SCHIP1: variants seen among roughly 807,000 people sequenced by gnomAD.
SCHIP1 encodes the protein schwannomin-interacting protein 1.
SCHIP1 carries 8 observed loss-of-function variants against 29.7 expected under a neutral mutation model. The observed-to-expected ratio is 0.27, with a 90% CI of 0.16 to 0.49. SCHIP1 has a LOEUF of 0.49. SCHIP1 is among the 20% of genes least tolerant of loss of function. SCHIP1 has a pLI of 0.99. For synonymous variants in SCHIP1, 76 were observed against 94.9 expected, an observed-to-expected ratio of 0.80 and a Z score of 1.16; for missense variants, 193 against 294.6, an observed-to-expected ratio of 0.66 and a Z score of 2.52.
chr3:159,273,396 A>G, the SCHIP1 span: 2 of 1,001,140 alleles, frequency 2.0e-6, no homozygotes, highest in Non-Finnish European at 2.4e-6. Context: ...TATTATTTTT[A>G]ATCGAAAAGT....
the SCHIP1 span, among the ~76,000 whole-genome samples, chr3:159,471,905 GCTCTT>G: frequency 6.6e-6 from 1 of 152,078 alleles, no homozygotes; most frequent in African/African-American, 2.4e-5. Flanking sequence ...ACACTGATGA[GCTCTT>G]CTCTTGTTGC....
chr3:159,463,926 C>T, the SCHIP1 span, among the ~76,000 whole-genome samples: 1 of 152,034 alleles, frequency 6.6e-6, no homozygotes, highest in Non-Finnish European at 1.5e-5. Flanking sequence ...TCATAATAAT[C>T]TATTGTATGG....
chr3:159,500,257 A>G, the SCHIP1 span, among the ~76,000 whole-genome samples: 1 of 152,158 alleles, frequency 6.6e-6, no homozygotes, highest in Non-Finnish European at 1.5e-5. Context: ...TTTTCCCCTG[A>G]ATACTCATGA....
the SCHIP1 span, among the ~76,000 whole-genome samples, chr3:159,667,608 C>T: frequency 6.6e-5 from 10 of 152,140 alleles, no homozygotes; most frequent in South Asian, 1.0e-3. Context: ...AGTCCTAAAT[C>T]GTTGACCTCT....
At chr3:159,610,035 A>G in the SCHIP1 span, among the ~76,000 whole-genome samples, 1 of 152,214 alleles carries the variant, frequency 6.6e-6, no homozygotes, top group African/African-American at 2.4e-5. Flanking sequence ...GCATTGTCTC[A>G]TTTAATCCTC....
At chr3:159,671,071 C>T in the SCHIP1 span, among the ~76,000 whole-genome samples, 1 of 152,152 alleles carries the variant, frequency 6.6e-6, no homozygotes, top group Admixed American at 6.5e-5. Flanking sequence ...ACCCATGGAC[C>T]TGGCCCTGCT....
At chr3:159,551,161 T>C in the SCHIP1 span, among the ~76,000 whole-genome samples, 1 of 152,136 alleles carries the variant, frequency 6.6e-6, no homozygotes, top group Non-Finnish European at 1.5e-5. Flanking sequence ...GATCTATTTC[T>C]TGAAAAAGTC....
At chr3:159,518,399 T>C in the SCHIP1 span, among the ~76,000 whole-genome samples, 1 of 152,182 alleles carries the variant, frequency 6.6e-6, no homozygotes, top group African/African-American at 2.4e-5. Flanking sequence ...GTTTTTATTT[T>C]ATTATCTTCT....
chr3:159,858,023 C>T (rs1284186601), intron 1 of SCHIP1, among the ~76,000 whole-genome samples: 1 of 152,152 alleles, frequency 6.6e-6, no homozygotes, highest in Non-Finnish European at 1.5e-5. Context: ...AGGTTGAGGA[C>T]ACCAGCTTCC....
At chr3:159,419,320 G>A in the SCHIP1 span, among the ~76,000 whole-genome samples, 1 of 152,156 alleles carries the variant, frequency 6.6e-6, no homozygotes, top group African/African-American at 2.4e-5. Flanking sequence ...CCTAGCACAA[G>A]GTTTGACACA....
At chr3:159,406,598 C>T in the SCHIP1 span, among the ~76,000 whole-genome samples, 1 of 152,158 alleles carries the variant, frequency 6.6e-6, no homozygotes, top group Non-Finnish European at 1.5e-5. Context: ...AATATTCTAA[C>T]ACTGTAATTG....
the SCHIP1 span, among the ~76,000 whole-genome samples, chr3:159,708,941 A>T: frequency 6.6e-6 from 1 of 152,116 alleles, no homozygotes; most frequent in African/African-American, 2.4e-5. Flanking sequence ...CACTCCCTCC[A>T]TTTTCTGCGA....
At chr3:159,344,001 A>T in the SCHIP1 span, among the ~76,000 whole-genome samples, 1 of 152,214 alleles carries the variant, frequency 6.6e-6, no homozygotes, top group Non-Finnish European at 1.5e-5. Flanking sequence ...TTAAAACAAG[A>T]TAGGTTACTT....
the SCHIP1 span, among the ~76,000 whole-genome samples, chr3:159,771,698 T>G: frequency 6.6e-6 from 1 of 151,932 alleles, no homozygotes; most frequent in Non-Finnish European, 1.5e-5. Flanking sequence ...TGTTGTTTTT[T>G]TTTTTTTTTA....
the SCHIP1 span, among the ~76,000 whole-genome samples, chr3:159,781,871 A>G: frequency 6.6e-6 from 1 of 152,250 alleles, no homozygotes; most frequent in Non-Finnish European, 1.5e-5. Flanking sequence ...TACCCTTGCC[A>G]CTAAAAATCT....
the SCHIP1 span, among the ~76,000 whole-genome samples, chr3:159,755,965 T>C: frequency 6.6e-6 from 1 of 152,258 alleles, no homozygotes. Context: ...TCTGCTTCTG[T>C]GGCTTTGCAG....
At chr3:159,511,369 C>T in the SCHIP1 span, among the ~76,000 whole-genome samples, 50 of 152,290 alleles carry the variant, frequency 3.3e-4, no homozygotes, top group East Asian at 1.3e-3. Flanking sequence ...TTTCTGTCAC[C>T]GCTTTGCTTG....
intron 1 of SCHIP1, among the ~76,000 whole-genome samples, chr3:159,856,614 C>G (rs940331349): frequency 1.3e-5 from 2 of 152,238 alleles, no homozygotes; most frequent in African/African-American, 4.8e-5. Context: ...TCCTAGGCTA[C>G]TGTGCACAGA....
At chr3:159,786,603 A>G in the SCHIP1 span, among the ~76,000 whole-genome samples, 1 of 152,150 alleles carries the variant, frequency 6.6e-6, no homozygotes. Context: ...AGGAATGGTC[A>G]TAAATCATAG....
Sources: allele counts gnomAD v4.1 joint callset (sites outside exome capture counted in the v4.1 genomes callset), GRCh38; gene constraint gnomAD v4.1.1; transcripts MANE v1.5; gene names NCBI Gene and HGNC (gene_info 2026-07-23, HGNC 2026-07-21).